The following FRMD4A variants were observed in gnomAD, a reference collection of about 807,000 sequenced individuals.
FRMD4A encodes FERM domain containing 4A.
In FRMD4A, 29 loss-of-function variants were observed where a neutral mutation model predicts 129.1. The ratio of observed to expected loss-of-function variants is 0.22; its 90% CI spans 0.17 to 0.31. The LOEUF (loss-of-function observed/expected upper bound fraction) is 0.31. FRMD4A is among the 10% of genes least tolerant of loss of function. FRMD4A has a pLI of 1.00. For missense variants in FRMD4A, 1,272 were observed against 1,375.8 expected, an observed-to-expected ratio of 0.92 and a Z score of 1.19; for synonymous variants, 634 against 571.6, an observed-to-expected ratio of 1.11 and a Z score of -1.56.
intron 2 of FRMD4A, among the ~76,000 whole-genome samples, chr10:13,868,052 G>A (rs551438525): frequency 5.3e-4 from 80 of 149,802 alleles, no homozygotes; most frequent in African/African-American, 1.8e-3. Flanking sequence ...CCAGGAGTTC[G>A]AGACCAGCCT....
chr10:14,033,783 A>AGC (rs1491269989), intron 2 of FRMD4A, among the ~76,000 whole-genome samples: 3 of 2,422 alleles, frequency 1.2e-3, no homozygotes, highest in Non-Finnish European at 0.032. Context: ...AAACTCAGAA[A>AGC]GAGAGAGAGA....
Position 14,267,044 on chromosome 10 carries a change from G to A in FRMD4A, c.45+63014C>T, listed in dbSNP as rs556160344. 1.8e-4 allele frequency among the ~76,000 whole-genome samples: 27 copies of A among 152,298 alleles called. No homozygotes were observed. The South Asian group carries it at 5.0e-3, about 28-fold the overall frequency. The stretch of plus-strand genomic sequence containing the variant: ...AAACACATTTTATTCGAGAGACTCC[G>A]CCTGGGGCAGGCAGATAGGTGTGAT... On this transcript the variant is annotated intron_variant, in intron 2 of 24. Transcript: ENST00000357447.
At chr10:14,147,002 T>C (rs1022111394) in intron 2 of FRMD4A, among the ~76,000 whole-genome samples, 1 of 152,274 alleles carries the variant, frequency 6.6e-6, no homozygotes, top group Non-Finnish European at 1.5e-5. Context: ...GATATGCATG[T>C]CTTTAAGTTG....
intron 14 of FRMD4A, among the ~76,000 whole-genome samples, chr10:13,701,138 CT>C (rs370349517): frequency 7.3e-4 from 111 of 152,176 alleles, no homozygotes; most frequent in African/African-American, 2.6e-3. Flanking sequence ...TCAGAGCCCC[CT>C]GGACCAAGAT....
chr10:13,913,773 A>G (rs1324387970), intron 2 of FRMD4A, among the ~76,000 whole-genome samples: 1 of 152,242 alleles, frequency 6.6e-6, no homozygotes, highest in African/African-American at 2.4e-5. Context: ...CTAAGGATAC[A>G]GTTAGTGAAC....
rs553880464 is a variant in FRMD4A at position 14,318,193 on chromosome 10, C to A, written c.45+11865G>T. On this transcript the variant is annotated intron_variant, in intron 2 of 24. Coordinates refer to ENST00000357447, the MANE Select transcript of FRMD4A (RefSeq NM_018027.5). ...TAATGACCAAAGACTCAGCCTCAGG[C>A]CCCAAACATAGTCTCCTGTTCATTA... Among the ~76,000 whole-genome samples the A allele has an allele frequency of 4.1e-4, 62 of 152,218 alleles. 1 individual carries two copies. Among genetic ancestry groups the A allele is most frequent in the African/African-American group, 1.3e-3 (53 of 41,532 alleles).
intron 2 of FRMD4A, among the ~76,000 whole-genome samples, chr10:13,991,228 G>A (rs2095602120): frequency 6.6e-6 from 1 of 152,288 alleles, no homozygotes; most frequent in African/African-American, 2.4e-5. Flanking sequence ...GAAAAAAGAA[G>A]CGTAGAGTGA....
rs41291333 is a variant in FRMD4A at position 13,693,887 on chromosome 10, C to A, written c.1117+11G>T. Reference sequence around the variant, plus strand: ...GCTCAGGGGGCGTCCCTCCAGCTGGCCTCTGCCTACCTGAAGACAGCAGGC... The same window carrying A: ...GCTCAGGGGGCGTCCCTCCAGCTGGACTCTGCCTACCTGAAGACAGCAGGC... On this transcript the variant is annotated intron_variant, in intron 15 of 24. Coordinates refer to ENST00000357447, the MANE Select transcript of FRMD4A (RefSeq NM_018027.5). 133,995 of 1,606,940 alleles carry A rather than the reference C, an allele frequency of 0.083. 5,956 individuals are homozygous for A. The highest frequency in any genetic ancestry group is 0.13 in the South Asian group (11,937 of 89,912).
At chr10:13,998,096 T>C (rs535150439) in intron 2 of FRMD4A, among the ~76,000 whole-genome samples, 1 of 152,304 alleles carries the variant, frequency 6.6e-6, no homozygotes, top group East Asian at 1.9e-4. Flanking sequence ...TTCCACCACA[T>C]GGAGCCCATC....
At chr10:14,268,628 G>A (rs886840037) in intron 2 of FRMD4A, among the ~76,000 whole-genome samples, 2 of 152,192 alleles carry the variant, frequency 1.3e-5, no homozygotes, top group African/African-American at 4.8e-5. Flanking sequence ...CTAATATTTT[G>A]AGAAAGCCAT....
chr10:13,801,141 G>T (rs2093245575), intron 4 of FRMD4A, among the ~76,000 whole-genome samples: 1 of 152,176 alleles, frequency 6.6e-6, no homozygotes, highest in African/African-American at 2.4e-5. Context: ...CAGCTTCTTG[G>T]GAGGCTGAGG....
intron 2 of FRMD4A, among the ~76,000 whole-genome samples, chr10:13,955,023 T>A (rs985874007): frequency 4.6e-5 from 7 of 151,936 alleles, no homozygotes; most frequent in Non-Finnish European, 1.0e-4. Context: ...TTTTCAAATG[T>A]CACAGACTAC....
chr10:13,711,181 A>G (rs2134922617), intron 12 of FRMD4A, among the ~76,000 whole-genome samples: 1 of 152,340 alleles, frequency 6.6e-6, no homozygotes, highest in Middle Eastern at 3.4e-3. Context: ...CCCCTTGCCC[A>G]GGGCCGGGGT....
chr10:14,204,712 G>A (rs1487832064), intron 2 of FRMD4A, among the ~76,000 whole-genome samples: 3 of 151,938 alleles, frequency 2.0e-5, no homozygotes, highest in South Asian at 2.1e-4. Flanking sequence ...GGCACATCAC[G>A]GAAACTGTCA....
chr10:13,938,994 G>A (rs1026579), intron 2 of FRMD4A, among the ~76,000 whole-genome samples: 99,446 of 152,070 alleles, frequency 0.65, 33,317 homozygotes, highest in East Asian at 0.81. Context: ...GCTGTTAAAC[G>A]TCCTAGAATT....
At chr10:14,146,435 A>G (rs1316765475) in intron 2 of FRMD4A, among the ~76,000 whole-genome samples, 1 of 151,952 alleles carries the variant, frequency 6.6e-6, no homozygotes, top group Admixed American at 6.6e-5. Context: ...ACAACACAAC[A>G]TGACTTAATG....
intron 2 of FRMD4A, among the ~76,000 whole-genome samples, chr10:14,072,653 A>G (rs900552135): frequency 6.6e-6 from 1 of 152,174 alleles, no homozygotes; most frequent in African/African-American, 2.4e-5. Flanking sequence ...CATCTCCACA[A>G]AGGACCATTT....
chr10:14,265,983 A>G (rs2132039520), intron 2 of FRMD4A, among the ~76,000 whole-genome samples: 1 of 152,294 alleles, frequency 6.6e-6, no homozygotes, highest in African/African-American at 2.4e-5. Context: ...ATGAATGATC[A>G]AGGTGTCAAT....
rs182626031 is a variant in FRMD4A, at chr10:13,682,868, G to A, written c.1118-7824C>T. Among the ~76,000 whole-genome samples, 26 of 152,240 alleles carry A rather than the reference G, an allele frequency of 1.7e-4. No homozygotes were observed. In the East Asian group the frequency reaches 3.1e-3, roughly 18 times the overall value. On this transcript the variant is annotated intron_variant, in intron 15 of 24. Coordinates refer to ENST00000357447, the MANE Select transcript of FRMD4A (RefSeq NM_018027.5). ...GAGGCTGAACTGGGAGTCTAACTCT[G>A]CTATTCTGTCTTCTGCCTCTTGCAT...
Sources: allele counts gnomAD v4.1 joint callset (sites outside exome capture counted in the v4.1 genomes callset), GRCh38; gene constraint gnomAD v4.1.1; transcripts MANE v1.5; gene names NCBI Gene and HGNC (gene_info 2026-07-23, HGNC 2026-07-21).